The following ADGRL2 variants were observed in gnomAD, a reference collection of about 807,000 sequenced individuals.
The protein encoded by ADGRL2 is calcium-independent alpha-latrotoxin receptor 2.
Under a neutral mutation model 157.4 loss-of-function variants are expected in ADGRL2, and 44 were observed. That is an observed-to-expected ratio of 0.28 (90% CI 0.22 to 0.36). ADGRL2 has a LOEUF of 0.36. Ranked by LOEUF, ADGRL2 falls within the 10% of genes least tolerant of loss-of-function variation. ADGRL2 has a pLI of 1.00. For missense variants in ADGRL2, 1,510 were observed against 1,768.9 expected (o/e 0.85, Z 2.63); for synonymous variants, 585 against 624.7 (o/e 0.94, Z 0.95).
chr1:81,814,239 C>T (rs567044242), intron 1 of ADGRL2, among the ~76,000 whole-genome samples: 1 of 151,488 alleles, frequency 6.6e-6, no homozygotes, highest in African/African-American at 2.4e-5. Flanking sequence ...ATTCTCTGCT[C>T]CTTTGTATAT....
intron 2 of ADGRL2, among the ~76,000 whole-genome samples, chr1:81,478,202 A>C (rs543206143): frequency 6.6e-6 from 1 of 152,294 alleles, no homozygotes; most frequent in South Asian, 2.1e-4. Context: ...CATTATCTCC[A>C]ACTAAAACTA....
At chr1:81,656,833 A>T (rs1348815296) in intron 3 of ADGRL2, among the ~76,000 whole-genome samples, 1 of 151,932 alleles carries the variant, frequency 6.6e-6, no homozygotes, top group African/African-American at 2.4e-5. Flanking sequence ...AACATGGCAA[A>T]ACCCTGTCTC....
At chr1:81,733,947 CT>C (rs2149190567) in intron 1 of ADGRL2, among the ~76,000 whole-genome samples, 1 of 152,090 alleles carries the variant, frequency 6.6e-6, no homozygotes, top group Non-Finnish European at 1.5e-5. Context: ...ACAAGCTTAC[CT>C]ATATAACAAA....
At chr1:81,429,530 C>T (rs2077281766) in intron 1 of ADGRL2, among the ~76,000 whole-genome samples, 1 of 152,188 alleles carries the variant, frequency 6.6e-6, no homozygotes, top group Non-Finnish European at 1.5e-5. Flanking sequence ...TCCTAAGAAA[C>T]ATGAGTCTCC....
chr1:81,778,188 G>C (rs1038911685), intron 2 of ADGRL2, among the ~76,000 whole-genome samples: 3 of 135,376 alleles, frequency 2.2e-5, no homozygotes, highest in Non-Finnish European at 4.6e-5. Flanking sequence ...CAAGCATGGT[G>C]GCGGGCACTT....
chr1:81,650,599 A>G (rs2082401011), intron 3 of ADGRL2, among the ~76,000 whole-genome samples: 1 of 151,640 alleles, frequency 6.6e-6, no homozygotes, highest in Non-Finnish European at 1.5e-5. Context: ...AAAAAGAAAA[A>G]GAAAAGAAAA....
intron 3 of ADGRL2, among the ~76,000 whole-genome samples, chr1:81,609,800 G>C (rs2148664819): frequency 6.6e-6 from 1 of 152,310 alleles, no homozygotes; most frequent in African/African-American, 2.4e-5. Flanking sequence ...CCAGTCCTAA[G>C]AATAAGGAGT....
In ADGRL2 at chr1:81,893,438, A is replaced by T. The variant is rs559059467; in HGVS notation, c.74-13579A>T. ...AAGGGGAATAAACATTTAAAGTACC[A>T]AGGAAGGGGCTATTAGAGTAGTGCA... On this transcript the variant is annotated intron_variant, in intron 2 of 23. Transcript: ENST00000686636. Among the ~76,000 whole-genome samples the T allele has an allele frequency of 3.9e-5, 6 of 152,326 alleles. No homozygotes were observed. The South Asian group carries it at 1.2e-3, about 32-fold the overall frequency.
chr1:81,539,896 C>G (rs2079840780), intron 2 of ADGRL2, among the ~76,000 whole-genome samples: 1 of 151,788 alleles, frequency 6.6e-6, no homozygotes, highest in Non-Finnish European at 1.5e-5. Context: ...ATCCCTTACT[C>G]TAGAACTTAG....
intron 1 of ADGRL2, among the ~76,000 whole-genome samples, chr1:81,813,615 A>G (rs2090094008): frequency 6.6e-6 from 1 of 151,754 alleles, no homozygotes; most frequent in African/African-American, 2.4e-5. Flanking sequence ...TTATATTTCA[A>G]TAGGATTAAG....
chr1:81,600,700 G>A (rs2081317536), intron 3 of ADGRL2, among the ~76,000 whole-genome samples: 1 of 152,188 alleles, frequency 6.6e-6, no homozygotes, highest in African/African-American at 2.4e-5. Flanking sequence ...GATAAAACAT[G>A]CCACTCAGAG....
At chr1:81,608,574 C>T (rs1189986869) in intron 3 of ADGRL2, among the ~76,000 whole-genome samples, 8 of 152,178 alleles carry the variant, frequency 5.3e-5, no homozygotes, top group Admixed American at 3.3e-4. Flanking sequence ...TTAATATGCT[C>T]ATGCTGATTG....
intron 3 of ADGRL2, among the ~76,000 whole-genome samples, chr1:81,650,272 G>A (rs141734105): frequency 1.9e-3 from 287 of 152,102 alleles, no homozygotes; most frequent in Non-Finnish European, 3.2e-3. Flanking sequence ...AGAAGGCTTT[G>A]TTAATTGAAA....
At chr1:81,409,924 T>A (rs561497663) in intron 1 of ADGRL2, among the ~76,000 whole-genome samples, 2 of 152,214 alleles carry the variant, frequency 1.3e-5, no homozygotes, top group East Asian at 3.9e-4. Context: ...GACTACAAGA[T>A]GTTGGATGCA....
chr1:81,834,911 A>G (rs541471220), intron 1 of ADGRL2, among the ~76,000 whole-genome samples: 6 of 152,282 alleles, frequency 3.9e-5, no homozygotes, highest in Non-Finnish European at 5.9e-5. Flanking sequence ...AAAAATTTTC[A>G]TAAGATATTC....
upstream of ADGRL2, among the ~76,000 whole-genome samples, chr1:81,799,358 G>C (rs2087761115): frequency 1.3e-5 from 2 of 152,266 alleles, no homozygotes; most frequent in Middle Eastern, 3.4e-3. Context: ...TTGAAATAGT[G>C]AGAATATTAA....
chr1:81,401,167 C>T (rs1170742224), intron 1 of ADGRL2, among the ~76,000 whole-genome samples: 1 of 152,078 alleles, frequency 6.6e-6, no homozygotes, highest in Non-Finnish European at 1.5e-5. Flanking sequence ...AGGTGGTGGC[C>T]AACATACTTG....
intron 3 of ADGRL2, among the ~76,000 whole-genome samples, chr1:81,652,782 C>T (rs2082447762): frequency 6.6e-6 from 1 of 152,142 alleles, no homozygotes; most frequent in Admixed American, 6.5e-5. Flanking sequence ...TCCGGATGCC[C>T]TCTTCCAATC....
intron 2 of ADGRL2, among the ~76,000 whole-genome samples, chr1:81,535,982 A>G (rs1640480129): frequency 6.6e-6 from 1 of 152,210 alleles, no homozygotes; most frequent in African/African-American, 2.4e-5. Flanking sequence ...AACAGTGTAA[A>G]TAAAGTCATA....
Sources: allele counts gnomAD v4.1 joint callset (sites outside exome capture counted in the v4.1 genomes callset), GRCh38; gene constraint gnomAD v4.1.1; transcripts MANE v1.5; gene names NCBI Gene and HGNC (gene_info 2026-07-23, HGNC 2026-07-21).